SLC6A20: variants seen among roughly 807,000 people sequenced by gnomAD.
The protein encoded by SLC6A20 is solute carrier family 6 member 20.
SLC6A20 carries 73 observed loss-of-function variants against 64.3 expected under a neutral mutation model. That is an observed-to-expected ratio of 1.14 (90% confidence interval 0.94 to 1.38). The LOEUF (loss-of-function observed/expected upper bound fraction) is 1.38, where lower values mean the gene tolerates loss of function less well. Among genes scored for constraint, SLC6A20 ranks in the 40% most tolerant of loss-of-function variants. The pLI is 0.00. For missense variants in SLC6A20, 725 were observed against 772.8 expected (o/e 0.94, Z 0.73); for synonymous variants, 347 against 329.6 (o/e 1.05, Z -0.57).
At chr3:45,763,546 G>A (rs1235438436) in intron 8 of SLC6A20, among the ~76,000 whole-genome samples, 1 of 152,198 alleles carries the variant, frequency 6.6e-6, no homozygotes, top group Non-Finnish European at 1.5e-5. Flanking sequence ...AGAGGGTGGG[G>A]CAGGGAAGAG....
At chr3:45,779,450 A>G (rs1700031504) in intron 3 of SLC6A20, among the ~76,000 whole-genome samples, 1 of 152,148 alleles carries the variant, frequency 6.6e-6, no homozygotes, top group African/African-American at 2.4e-5. Flanking sequence ...TGTGGTTTAA[A>G]ATGTTTAGGA....
intron 3 of SLC6A20, 112 bp downstream of exon 3, chr3:45,779,897 C>T: frequency 1.7e-6 from 2 of 1,176,636 alleles, no homozygotes; most frequent in Non-Finnish European, 2.4e-6. Flanking sequence ...CACCGGCTCC[C>T]CGCCCCGAGG....
At chr3:45,766,770 A>G (rs940241298) in intron 7 of SLC6A20, among the ~76,000 whole-genome samples, 23 of 152,218 alleles carry the variant, frequency 1.5e-4, no homozygotes, top group Non-Finnish European at 2.8e-4. Context: ...GAACCAGGAA[A>G]TAGGTCTTCA....
chr3:45,773,237 C>G (rs1381608043), intron 4 of SLC6A20, among the ~76,000 whole-genome samples: 1 of 152,172 alleles, frequency 6.6e-6, no homozygotes, highest in Admixed American at 6.5e-5. Flanking sequence ...CGAGGTGTAG[C>G]GTAGAGGACA....
Position 45,781,330 on chromosome 3 carries a change from T to C in SLC6A20, c.262+753A>G, listed in dbSNP as rs894525747. On this transcript the variant is annotated intron_variant, in intron 2 of 10. Transcript: ENST00000358525. ...CTTCTGCATCTGCAACCAGGTCACA[T>C]ATAAGCTTCCACCCTCTTTGCTCCT... 2.0e-5 allele frequency among the ~76,000 whole-genome samples: 3 copies of C among 152,240 alleles called. No individual in the cohort carries two copies. The East Asian group carries it at 5.8e-4, about 29-fold the overall frequency.
At position 45,762,897 on chromosome 3, in the gene SLC6A20, T is replaced by G. The variant is rs1575424227; in HGVS notation, c.1463+16A>C. 1 of 1,613,556 alleles carries G rather than the reference T, an allele frequency of 6.2e-7. No homozygotes were observed. The highest frequency in any genetic ancestry group is 8.5e-7 in the Non-Finnish European group (1 of 1,179,666). The stretch of plus-strand genomic sequence containing the variant: ...TGTGTTTTCCCTATGCAAATGAGGG[T>G]CCTGGGCCTCCTCACCTCCTCAGCC... On this transcript the variant is annotated intron_variant, in intron 9 of 10. Transcript: ENST00000358525.
chr3:45,795,608 T>G lies in SLC6A20; in HGVS notation c.121+691A>C, dbSNP rs72893659. Among the ~76,000 whole-genome samples the G allele has an allele frequency of 1.9e-4, 29 of 152,342 alleles. 1 individual carries two copies. Among genetic ancestry groups the G allele is most frequent in the African/African-American group, 6.5e-4 (27 of 41,566 alleles). On this transcript the variant is annotated intron_variant, in intron 1 of 10. Transcript: ENST00000358525. ...TTGCCTTCCAAAAAGGTACTTGGGC[T>G]TCACGAGGTTATAGACATGTGTAGA...
chr3:45,761,470 G>T (rs1255552599), intron 9 of SLC6A20, among the ~76,000 whole-genome samples: 1 of 152,056 alleles, frequency 6.6e-6, no homozygotes, highest in Non-Finnish European at 1.5e-5. Context: ...ACCTCCAGCG[G>T]GCCCTAGGTT....
In SLC6A20 at chr3:45,771,251, TGAAGCCATAGATGGA is replaced by T. The variant is rs1483618284; in HGVS notation, c.886_900del (p.Ser296_Phe300del). The T allele has an allele frequency of 5.5e-5, 89 of 1,614,066 alleles. No individual in the cohort carries two copies. The highest frequency in any genetic ancestry group is 6.7e-5 in the Non-Finnish European group (79 of 1,180,036). On this transcript the variant is annotated inframe_deletion, in exon 6 of 11. Coordinates refer to ENST00000358525, the MANE Select transcript of SLC6A20 (RefSeq NM_020208.4). Reference sequence around the variant, plus strand: ...CAGTTTTCATAATTGAAGGTGGCCTTGAAGCCATAGATGGAGAAGGTGACAATGCTGGCAAATATG... The same window carrying T: ...CAGTTTTCATAATTGAAGGTGGCCTTGAAGGTGACAATGCTGGCAAATATG...
In SLC6A20 at chr3:45,765,848, C is replaced by T; in HGVS notation, c.1099-107G>A. 1 of 1,220,036 alleles carries T rather than the reference C, an allele frequency of 8.2e-7. No homozygotes were observed. The highest frequency in any genetic ancestry group is 1.2e-6 in the Non-Finnish European group (1 of 858,836). The allele number at this position is 1,220,036 out of a possible 1,614,324, so 75.6% of individuals were successfully genotyped here. A position where few individuals can be genotyped will look rare whatever the true frequency, so the allele number is the denominator to read the frequency against. ...GGACCTTGGAAGTGGCCATGAGAAG[C>T]CACATTGTGAGGTTGGAGCTTCCAT... On this transcript the variant is annotated intron_variant, in intron 7 of 10. Coordinates refer to ENST00000358525, the MANE Select transcript of SLC6A20 (RefSeq NM_020208.4). The surrounding 1 kb of genome is among the most constrained non-coding windows in gnomAD (Gnocchi z 4.2).
chr3:45,788,491 T>C (rs933422551), intron 1 of SLC6A20, among the ~76,000 whole-genome samples: 2 of 152,212 alleles, frequency 1.3e-5, no homozygotes, highest in African/African-American at 4.8e-5. Context: ...CCCAGTTGTG[T>C]ACATTGAAAG....
intron 2 of SLC6A20, among the ~76,000 whole-genome samples, chr3:45,781,503 C>A (rs919715243): frequency 1.3e-5 from 2 of 152,150 alleles, no homozygotes; most frequent in Non-Finnish European, 2.9e-5. Context: ...TGGAGGTTGT[C>A]CTGGAAGTGC....
intron 7 of SLC6A20, 34 bp downstream of exon 7, chr3:45,770,175 G>A (rs779605579): frequency 6.8e-6 from 11 of 1,613,074 alleles, no homozygotes; most frequent in Non-Finnish European, 9.3e-6. Context: ...TGTGTGGAGA[G>A]AAGCCAGTCC....
chr3:45,766,956 A>T (rs2125721746), intron 7 of SLC6A20, among the ~76,000 whole-genome samples: 1 of 152,342 alleles, frequency 6.6e-6, no homozygotes, highest in South Asian at 2.1e-4. Flanking sequence ...TGCGCAACAT[A>T]GCAAGACCTT....
At chr3:45,779,400 CTT>C (rs1230088258) in intron 3 of SLC6A20, among the ~76,000 whole-genome samples, 3 of 152,210 alleles carry the variant, frequency 2.0e-5, no homozygotes, top group Non-Finnish European at 4.4e-5. Context: ...GCCCCTTCCA[CTT>C]TTCTACAGAG....
At chr3:45,762,646 G>A (rs1699703805) in intron 9 of SLC6A20, among the ~76,000 whole-genome samples, 1 of 152,222 alleles carries the variant, frequency 6.6e-6, no homozygotes, top group African/African-American at 2.4e-5. Context: ...AAGCTGTGGG[G>A]GTCCAGCAGG....
rs3733104 is a variant in SLC6A20, at chr3:45,771,158, C to T, written c.935+59G>A. On this transcript the variant is annotated intron_variant, in intron 6 of 10. Coordinates refer to ENST00000358525, the MANE Select transcript of SLC6A20 (RefSeq NM_020208.4). ...CACTTTGCCCCAGCCCTTGCCCAGG[C>T]GACCCTTCAGCTCAGAGCTCAGGGA... 162,460 of 1,606,046 alleles carry T rather than the reference C, an allele frequency of 0.1. 8,685 individuals carry two copies. The highest frequency in any genetic ancestry group is 0.13 in the East Asian group (5,757 of 44,732).
At chr3:45,792,550 T>C (rs1470865103) in intron 1 of SLC6A20, among the ~76,000 whole-genome samples, 1 of 152,168 alleles carries the variant, frequency 6.6e-6, no homozygotes, top group Non-Finnish European at 1.5e-5. Context: ...CTGATCATGG[T>C]ATTTCCCAAC....
chr3:45,772,469 G>C (rs764526626), intron 5 of SLC6A20, 36 bp downstream of exon 5: 1 of 1,568,768 alleles, frequency 6.4e-7, no homozygotes, highest in South Asian at 1.1e-5. Flanking sequence ...GGATAAGTGA[G>C]GGGTGCCCGT....
Sources: gnomAD v4.1 joint callset for allele counts (sites outside exome capture counted in the v4.1 genomes callset) on GRCh38, gnomAD v4.1.1 for gene constraint, Gnocchi (gnomAD v3.1) non-coding constraint, MANE v1.5 for transcripts, NCBI Gene and HGNC (gene_info 2026-07-23, HGNC 2026-07-21) for gene names.